The following ALPK2 variants were observed in gnomAD, a reference collection of about 807,000 sequenced individuals.
ALPK2 encodes alpha-protein kinase 2.
In ALPK2, 127 loss-of-function variants were observed where a neutral mutation model predicts 163.1. That is an observed-to-expected ratio of 0.78 (90% CI 0.67 to 0.90). The LOEUF (loss-of-function observed/expected upper bound fraction) is 0.90, where lower values mean the gene tolerates loss of function less well. Ranked by LOEUF, ALPK2 falls within the 40% of genes least tolerant of loss-of-function variation. The pLI, the probability that ALPK2 is intolerant of heterozygous loss-of-function variation, is 0.00. For missense variants in ALPK2, 2,360 were observed against 2,589.6 expected (o/e 0.91, Z 1.92); for synonymous variants, 953 against 959.1 (o/e 0.99, Z 0.12).
intron 9 of ALPK2, among the ~76,000 whole-genome samples, chr18:58,516,657 A>C (rs983407143): frequency 2.6e-5 from 4 of 152,196 alleles, no homozygotes; most frequent in South Asian, 4.1e-4. Context: ...AACAAAATCA[A>C]TTATATCTCG....
At chr18:58,560,814 T>TA (rs1345539315) in intron 4 of ALPK2, among the ~76,000 whole-genome samples, 1 of 152,084 alleles carries the variant, frequency 6.6e-6, no homozygotes, top group Non-Finnish European at 1.5e-5. Context: ...AGAAATAGGG[T>TA]ATTTTTGTTT....
At chr18:58,497,051 A>G (rs893272936) in intron 12 of ALPK2, among the ~76,000 whole-genome samples, 5 of 152,134 alleles carry the variant, frequency 3.3e-5, no homozygotes, top group African/African-American at 9.7e-5. Context: ...AATAAACCAT[A>G]ATATTCTTGC....
At chr18:58,578,086 G>A (rs1057020627) in intron 4 of ALPK2, 1 of 152,192 alleles carries the variant, frequency 6.6e-6, no homozygotes, top group African/African-American at 2.4e-5. Flanking sequence ...TTTGTGCATT[G>A]ATTATTCCTA....
At chr18:58,500,254 A>AAAAC (rs1555661601) in intron 11 of ALPK2, among the ~76,000 whole-genome samples, 3 of 148,532 alleles carry the variant, frequency 2.0e-5, no homozygotes, top group African/African-American at 2.5e-5. Context: ...AAAAAAAAAA[A>AAAAC]CCCACCAAAT....
chr18:58,598,293 G>A (rs571183903), intron 3 of ALPK2, among the ~76,000 whole-genome samples: 122 of 152,386 alleles, frequency 8.0e-4, no homozygotes, highest in Non-Finnish European at 1.4e-3. Context: ...CTCATGGAAT[G>A]TACTGAGACT....
chr18:58,519,402 T>C (rs2051538226), intron 8 of ALPK2, among the ~76,000 whole-genome samples: 1 of 152,318 alleles, frequency 6.6e-6, no homozygotes, highest in East Asian at 1.9e-4. Context: ...TAAACATGTA[T>C]TATATCTGCC....
intron 4 of ALPK2, among the ~76,000 whole-genome samples, chr18:58,572,309 AG>A (rs1269200261): frequency 3.3e-5 from 5 of 152,222 alleles, no homozygotes; most frequent in Non-Finnish European, 5.9e-5. Context: ...GAATGTAAAA[AG>A]GTACAGCATC....
At chr18:58,556,189 A>ACACACACACACACACACG (rs903787089) in intron 4 of ALPK2, among the ~76,000 whole-genome samples, 2 of 151,850 alleles carry the variant, frequency 1.3e-5, no homozygotes, top group African/African-American at 4.8e-5. Flanking sequence ...ACACACACGC[A>ACACACACACACACACACG]CACACAATTC....
chr18:58,536,631 G>A lies in ALPK2; in HGVS notation c.3556C>T (p.Arg1186Cys), dbSNP rs139032503. Reference sequence around the variant, plus strand: ...GAGACCCTCGTCCCCCAACCTGAGCGCTGCCCTGCTCCTTCCCTAGAGCTT... The same window carrying A: ...GAGACCCTCGTCCCCCAACCTGAGCACTGCCCTGCTCCTTCCCTAGAGCTT... ...PASSREGAGQ[R>C]SGWGTRVSVV... The change falls in exon 5 of 13, where the codon CGC (arginine) becomes TGC (cysteine). Residue 1186 changes from arginine (R) to cysteine (C), a missense_variant. By Grantham distance (180) the Arg-to-Cys change is radical (BLOSUM62 -3). Transcript: ENST00000361673. 84 of 1,614,024 alleles carry A rather than the reference G, an allele frequency of 5.2e-5. No homozygotes were observed. Among genetic ancestry groups the A allele is most frequent in the Admixed American group, 2.3e-4 (14 of 60,012 alleles).
intron 1 of ALPK2, among the ~76,000 whole-genome samples, chr18:58,620,758 T>C (rs1164474592): frequency 6.6e-6 from 1 of 152,238 alleles, no homozygotes; most frequent in East Asian, 1.9e-4. Context: ...CACTGCGGCG[T>C]TGCCTGTGAT....
intron 4 of ALPK2, among the ~76,000 whole-genome samples, chr18:58,543,863 T>A (rs1279649582): frequency 1.3e-5 from 2 of 152,166 alleles, no homozygotes; most frequent in Non-Finnish European, 2.9e-5. Flanking sequence ...CAGAGCCCTT[T>A]CCAACCCAGC....
chr18:58,491,510 C>T (rs1041346538), intron 12 of ALPK2, among the ~76,000 whole-genome samples: 3 of 152,248 alleles, frequency 2.0e-5, no homozygotes, highest in Non-Finnish European at 4.4e-5. Flanking sequence ...GATCAACTGG[C>T]GCCTCCCAGA....
intron 1 of ALPK2, among the ~76,000 whole-genome samples, chr18:58,618,393 ACAGGTAG>A: frequency 6.6e-6 from 1 of 152,328 alleles, no homozygotes; most frequent in South Asian, 2.1e-4. Context: ...AGGACCTTTA[ACAGGTAG>A]CAGAGTGATG....
chr18:58,552,082 T>A (rs947569330), intron 4 of ALPK2, among the ~76,000 whole-genome samples: 11 of 152,084 alleles, frequency 7.2e-5, no homozygotes, highest in African/African-American at 2.2e-4. Flanking sequence ...TGTTTTTAAA[T>A]CATCACTTTA....
intron 5 of ALPK2, among the ~76,000 whole-genome samples, chr18:58,534,364 A>G (rs2144143935): frequency 6.6e-6 from 1 of 152,340 alleles, no homozygotes; most frequent in South Asian, 2.1e-4. Context: ...TAAAGAGGAG[A>G]ATCCCAATTT....
chr18:58,510,670 G>A (rs1177979817), intron 10 of ALPK2, among the ~76,000 whole-genome samples: 1 of 152,160 alleles, frequency 6.6e-6, no homozygotes, highest in African/African-American at 2.4e-5. Context: ...GTTCACTCAT[G>A]ATTTGGCTCT....
chr18:58,535,141 T>C lies in ALPK2; in HGVS notation c.5046A>G (p.Lys1682=). The C allele has an allele frequency of 6.2e-7, 1 of 1,614,110 alleles. No homozygotes were observed. The highest frequency in any genetic ancestry group is 8.5e-7 in the Non-Finnish European group (1 of 1,180,018). The part of the protein sequence containing the change: ...PCQKGTLGCA[K]KSREREKSLE... ...GGGACTTCTCTCTCTCCCTGGACTT[T>C]TTCGCACAGCCCAGGGTGCCCTTTT... Residue 1682 remains lysine, a synonymous_variant, in exon 5 of 13, where the codon AAA becomes AAG. Coordinates refer to ENST00000361673, the MANE Select transcript of ALPK2 (RefSeq NM_052947.4).
At position 58,536,649 on chromosome 18, in the gene ALPK2, T is replaced by C. The variant is rs889083837; in HGVS notation, c.3538A>G (p.Arg1180Gly). The C allele has an allele frequency of 1.9e-6, 3 of 1,614,124 alleles. No individual in the cohort carries two copies. The highest frequency in any genetic ancestry group is 2.5e-6 in the Non-Finnish European group (3 of 1,180,022). ...VPTAHSPASSREGAGQRSGWG... is the reference protein window; with the variant it reads ...VPTAHSPASSGEGAGQRSGWG... The stretch of plus-strand genomic sequence containing the variant: ...CCTGAGCGCTGCCCTGCTCCTTCCC[T>C]AGAGCTTGCGGGTGAGTGGGCCGTG... Residue 1180 changes from arginine to glycine, a missense_variant, in exon 5 of 13, where the codon AGG becomes GGG. Coordinates refer to ENST00000361673, the MANE Select transcript of ALPK2 (RefSeq NM_052947.4).
intron 4 of ALPK2, among the ~76,000 whole-genome samples, chr18:58,563,319 GTAT>G (rs1226523144): frequency 6.6e-6 from 1 of 152,192 alleles, no homozygotes; most frequent in Non-Finnish European, 1.5e-5. Context: ...AAAAGCTGTA[GTAT>G]TATAATATGC....
Sources: allele counts gnomAD v4.1 joint callset (sites outside exome capture counted in the v4.1 genomes callset), GRCh38; gene constraint gnomAD v4.1.1; transcripts MANE v1.5; gene names NCBI Gene and HGNC (gene_info 2026-07-23, HGNC 2026-07-21).